MUC5B: variants seen among roughly 807,000 people sequenced by gnomAD.
The protein encoded by MUC5B is mucin-5B.
Under a neutral mutation model 376.9 loss-of-function variants are expected in MUC5B, and 116 were observed. The observed-to-expected ratio is 0.31, with a 90% CI of 0.26 to 0.36. The LOEUF (loss-of-function observed/expected upper bound fraction) is 0.36. Among genes scored for constraint, MUC5B ranks in the 10% least tolerant of loss-of-function variants. The pLI, the probability that MUC5B is intolerant of heterozygous loss-of-function variation, is 1.00. For missense variants in MUC5B, 7,165 were observed against 7,769.9 expected, an observed-to-expected ratio of 0.92 and a Z score of 2.93; for synonymous variants, 3,517 against 3,390.9, an observed-to-expected ratio of 1.04 and a Z score of -1.29.
rs777035846 is a variant in MUC5B, at chr11:1,245,300, C to T, written c.8420C>T (p.Pro2807Leu). Residue 2807 changes from proline to leucine, a missense_variant, in exon 31 of 49, where the codon CCA becomes CTA. Around this residue, in one of 31 missense-constraint regions of MUC5B, gnomAD observed 50 missense variants for 66.4 expected, o/e 0.75. Transcript: ENST00000529681. ...ATTGTTQHST[P>L]ALSSPHPSSR... ...ACCGGTACCACCCAGCACTCGACTCCAGCCCTGTCCAGCCCTCACCCTAGC... is the reference window on the plus strand; with the variant it reads ...ACCGGTACCACCCAGCACTCGACTCTAGCCCTGTCCAGCCCTCACCCTAGC... The T allele has an allele frequency of 7.5e-6, 12 of 1,596,682 alleles. No homozygotes were observed. In the East Asian group the frequency reaches 1.8e-4, roughly 24 times the overall value.
At position 1,241,788 on chromosome 11, in the gene MUC5B, C is replaced by G; in HGVS notation, c.4908C>G (p.Ser1636Arg). 1 of 1,612,376 alleles carries G rather than the reference C, an allele frequency of 6.2e-7. No homozygotes were observed. The highest frequency in any genetic ancestry group is 8.5e-7 in the Non-Finnish European group (1 of 1,179,260). The change falls in exon 31 of 49, where the codon AGC becomes AGG. Residue 1636 changes from serine (S) to arginine (R), a missense_variant. By Grantham distance (110) the Ser-to-Arg change is moderately radical. Coordinates refer to ENST00000529681, the MANE Select transcript of MUC5B (RefSeq NM_002458.3). ...ALFSTPQPTS[S>R]PGLTRAPPAS... Reference sequence around the variant, plus strand: ...TCTCAACGCCGCAGCCTACGAGTAGCCCGGGGCTGACCAGGGCTCCCCCGG... The same window carrying G: ...TCTCAACGCCGCAGCCTACGAGTAGGCCGGGGCTGACCAGGGCTCCCCCGG...
chr11:1,230,465 T>C, intron 11 of MUC5B, 25 bp from the exon 12 acceptor site: 1 of 1,564,642 alleles, frequency 6.4e-7, no homozygotes, highest in Non-Finnish European at 8.7e-7. Context: ...CCAGGCCCAA[T>C]GCACGCGTGG....
chr11:1,246,047 G>A lies in MUC5B; in HGVS notation c.9167G>A (p.Ser3056Asn), dbSNP rs748367111. The change falls in exon 31 of 49, where the codon AGC (serine) becomes AAC (asparagine). Residue 3056 changes from serine (S) to asparagine (N), a missense_variant. Physicochemically the swap from Ser to Asn is conservative, Grantham distance 46 (BLOSUM62 1). Transcript: ENST00000529681. The stretch of plus-strand genomic sequence containing the variant: ...GCAACCACCCTTCCAGTGCTGACAA[G>A]CACAGCCACCAAATCCACAGCTACC... ...RTATTLPVLTSTATKSTATSF... is the reference protein window; with the variant it reads ...RTATTLPVLTNTATKSTATSF... 5.6e-6 allele frequency: 9 copies of A among 1,612,490 alleles called. No individual in the cohort carries two copies. Among genetic ancestry groups the A allele is most frequent in the Non-Finnish European group, 6.8e-6 (8 of 1,179,434 alleles).
At position 1,254,787 on chromosome 11, in the gene MUC5B, C is replaced by G; in HGVS notation, c.15571C>G (p.Pro5191Ala). The part of the protein sequence containing the change: ...LGTTTMRVDI[P>A]ALGVSVTFNG... The stretch of plus-strand genomic sequence containing the variant: ...GACCACCACCATGCGTGTGGACATT[C>G]CTGCCCTGGGCGTGAGCGTCACCTT... The change falls in exon 35 of 49, where the codon CCT (proline) becomes GCT (alanine). Residue 5191 changes from proline (P) to alanine (A), a missense_variant. Physicochemically the swap from Pro to Ala is conservative, Grantham distance 27. Coordinates refer to ENST00000529681, the MANE Select transcript of MUC5B (RefSeq NM_002458.3). The G allele has an allele frequency of 6.2e-7, 1 of 1,612,872 alleles. No individual in the cohort carries two copies. The highest frequency in any genetic ancestry group is 8.5e-7 in the Non-Finnish European group (1 of 1,179,824).
intron 38 of MUC5B, 89 bp downstream of exon 38, chr11:1,256,314 C>T: frequency 1.5e-6 from 1 of 685,496 alleles, no homozygotes; most frequent in Non-Finnish European, 2.7e-6. Flanking sequence ...GGGTGTCCCA[C>T]TGTGGGCCAC....
rs4963056 is a variant in MUC5B, at chr11:1,248,397, C to T, written c.11517C>T (p.Thr3839=). ...ETAHTSTVLT[T]TATTTRATGS... ...CCCACACCTCCACAGTGCTTACCAC[C>T]ACGGCCACCACAACCAGGGCCACCG... Residue 3839 remains threonine, a synonymous_variant, in exon 31 of 49, where the codon ACC becomes ACT. Coordinates refer to ENST00000529681, the MANE Select transcript of MUC5B (RefSeq NM_002458.3). 0.31 allele frequency: 502,179 copies of T among 1,610,678 alleles called. 82,438 individuals are homozygous for T. The highest frequency in any genetic ancestry group is 0.6 in the East Asian group (26,786 of 44,702).
At chr11:1,230,707 C>T (rs2672808) in intron 12 of MUC5B, 107 bp downstream of exon 12, 2 of 1,075,070 alleles carry the variant, frequency 1.9e-6, no homozygotes, top group Admixed American at 2.2e-5. Flanking sequence ...CAGGTCCCCC[C>T]TCCAGCCCCC....
At chr11:1,227,907 G>T in intron 7 of MUC5B, 126 bp downstream of exon 7, 1 of 612,036 alleles carries the variant, frequency 1.6e-6, no homozygotes, top group South Asian at 1.9e-5. Context: ...AGGCCGGGCA[G>T]CCACCCTCTG....
chr11:1,240,932 C>G lies in MUC5B; in HGVS notation c.4052C>G (p.Pro1351Arg). 1 of 1,613,164 alleles carries G rather than the reference C, an allele frequency of 6.2e-7. No homozygotes were observed. Among genetic ancestry groups the G allele is most frequent in the Non-Finnish European group, 8.5e-7 (1 of 1,179,846 alleles). Residue 1351 changes from proline (P) to arginine (R), a missense_variant, in exon 31 of 49, where the codon CCC becomes CGC. Pro to Arg is a moderately radical substitution (Grantham distance 103). Transcript: ENST00000529681. Reference sequence around the variant, plus strand: ...TGGTACAATGGGCACCGCCCAGAGCCCGGCCTGGGAGGCGGAGACTTTGAG... The same window carrying G: ...TGGTACAATGGGCACCGCCCAGAGCGCGGCCTGGGAGGCGGAGACTTTGAG... ...SSWYNGHRPE[P>R]GLGGGDFETF...
chr11:1,231,586 G>A, intron 14 of MUC5B, 26 bp downstream of exon 14: 1 of 1,550,788 alleles, frequency 6.4e-7, no homozygotes, highest in Non-Finnish European at 8.7e-7. Flanking sequence ...GGCCTTCGGG[G>A]ACAGGGCCAT....
At chr11:1,233,766 C>A (rs780533557) in intron 18 of MUC5B, 27 bp from the exon 19 acceptor site, 1 of 1,592,096 alleles carries the variant, frequency 6.3e-7, no homozygotes, top group South Asian at 1.1e-5. Flanking sequence ...GGCCGCAGAT[C>A]CAGGCTGTGC....
At position 1,235,418 on chromosome 11, in the gene MUC5B, G is replaced by A. The variant is rs1431303757; in HGVS notation, c.2880+5G>A. ...GCCATCAAGCTCTTCGTGGAGGTGAGAACGGCCCCAGCTGTGAGCACCCCC... is the reference window on the plus strand; with the variant it reads ...GCCATCAAGCTCTTCGTGGAGGTGAAAACGGCCCCAGCTGTGAGCACCCCC... On this transcript the variant is annotated splice_donor_5th_base_variant and intron_variant, in intron 23 of 48. Coordinates refer to ENST00000529681, the MANE Select transcript of MUC5B (RefSeq NM_002458.3). The A allele has an allele frequency of 6.2e-6, 10 of 1,609,684 alleles. No individual in the cohort carries two copies. Among genetic ancestry groups the A allele is most frequent in the Non-Finnish European group, 8.5e-6 (10 of 1,178,518 alleles).
chr11:1,242,520 C>T lies in MUC5B; in HGVS notation c.5640C>T (p.Asp1880=), dbSNP rs370168568. ...ACAACGTGCGTGTGCTTTGCTGTGA[C>T]GACTACAGCCACTGCCCCAGTACCC... is the stretch of plus-strand genomic sequence containing the variant. ...FNYNVRVLCC[D]DYSHCPSTPA... Residue 1880 remains aspartate, a synonymous_variant, in exon 31 of 49, where the codon GAC becomes GAT. Transcript: ENST00000529681. 8.9e-5 allele frequency: 144 copies of T among 1,613,618 alleles called. No homozygotes were observed. The highest frequency in any genetic ancestry group is 1.6e-4 in the Middle Eastern group (1 of 6,082).
At position 1,258,869 on chromosome 11, in the gene MUC5B, T is replaced by C. The variant is rs56184523; in HGVS notation, c.16594-73T>C. 2.8e-4 allele frequency: 426 copies of C among 1,536,518 alleles called. 1 individual carries two copies. Among genetic ancestry groups the C allele is most frequent in the East Asian group, 2.5e-3 (103 of 40,726 alleles). Reference sequence around the variant, plus strand: ...AAGGAACAACTCCCTGCAGGCCCCATTGGGTCATGGGGAGGGGTCCTGGCC... The same window carrying C: ...AAGGAACAACTCCCTGCAGGCCCCACTGGGTCATGGGGAGGGGTCCTGGCC... On this transcript the variant is annotated intron_variant, in intron 43 of 48. Coordinates refer to ENST00000529681, the MANE Select transcript of MUC5B (RefSeq NM_002458.3). The surrounding 1 kb of genome is among the most constrained non-coding windows in gnomAD (Gnocchi z 5.5).
Position 1,259,854 on chromosome 11 carries a change from G to A in MUC5B, c.16800+12G>A, listed in dbSNP as rs1462917516. 1.2e-6 allele frequency: 2 copies of A among 1,612,424 alleles called. No homozygotes were observed. The highest frequency in any genetic ancestry group is 8.5e-7 in the Non-Finnish European group (1 of 1,179,622). Reference sequence around the variant, plus strand: ...GCCAGCCAGTCCAGGTAACAGCAGAGGCATGTGGGGGCAGGTCTCAGCTCC... The same window carrying A: ...GCCAGCCAGTCCAGGTAACAGCAGAAGCATGTGGGGGCAGGTCTCAGCTCC... On this transcript the variant is annotated intron_variant, in intron 45 of 48. Transcript: ENST00000529681.
rs1861953531 is a variant in MUC5B at position 1,228,834 on chromosome 11, C to G, written c.976+69C>G. 3.2e-6 allele frequency: 4 copies of G among 1,232,160 alleles called. No homozygotes were observed. The African/African-American group carries it at 6.4e-5, about 20-fold the overall frequency. 76.3% of individuals were successfully genotyped at this position (1,232,160 alleles called of 1,614,324 possible). ...AGGGGCAGGGGGAGCGCCTTGGGGGCCACTGGGGGTGGGGAGGCCTGGGGG... is the reference window on the plus strand; with the variant it reads ...AGGGGCAGGGGGAGCGCCTTGGGGGGCACTGGGGGTGGGGAGGCCTGGGGG... On this transcript the variant is annotated intron_variant, in intron 8 of 48. Transcript: ENST00000529681.
At position 1,246,074 on chromosome 11, in the gene MUC5B, G is replaced by C; in HGVS notation, c.9194G>C (p.Ser3065Thr). The C allele has an allele frequency of 1.2e-6, 2 of 1,612,958 alleles. No individual in the cohort carries two copies. The highest frequency in any genetic ancestry group is 1.7e-6 in the Non-Finnish European group (2 of 1,179,644). The part of the protein sequence containing the change: ...TSTATKSTAT[S>T]FTPIPSFTLG... Reference sequence around the variant, plus strand: ...ACAGCCACCAAATCCACAGCTACCAGCTTTACACCCATCCCCTCCTTCACC... The same window carrying C: ...ACAGCCACCAAATCCACAGCTACCACCTTTACACCCATCCCCTCCTTCACC... The change falls in exon 31 of 49, where the codon AGC becomes ACC. Residue 3065 changes from serine to threonine, a missense_variant. Transcript: ENST00000529681.
rs1043794542 is a variant in MUC5B, at chr11:1,242,159, C to T, written c.5279C>T (p.Thr1760Ile). ...TSELSTSQAE[T>I]STPRTETTMS... ...GAGCTGTCCACCTCTCAGGCCGAGA[C>T]CAGCACGCCCAGGACAGAGACGACA... The change falls in exon 31 of 49, where the codon ACC becomes ATC. Residue 1760 changes from threonine to isoleucine, a missense_variant. Thr to Ile is a moderately conservative substitution (Grantham distance 89). This residue lies in a region of MUC5B where 897 missense variants were observed against 779.6 expected (regional missense o/e 1.15). Coordinates refer to ENST00000529681, the MANE Select transcript of MUC5B (RefSeq NM_002458.3). 3 of 1,613,400 alleles carry T rather than the reference C, an allele frequency of 1.9e-6. No individual in the cohort carries two copies. The highest frequency in any genetic ancestry group is 3.3e-5 in the Admixed American group (2 of 60,000).
rs1862814598 is a variant in MUC5B, at chr11:1,255,433, C to T, written c.15941C>T (p.Ala5314Val). The T allele has an allele frequency of 1.2e-6, 2 of 1,605,250 alleles. No individual in the cohort carries two copies. Among genetic ancestry groups the T allele is most frequent in the Non-Finnish European group, 8.5e-7 (1 of 1,176,458 alleles). ...GTGCCCCCGGGCCCATTCTTCAACG[C>T]CTGCATCAGCGACCACTGCAGGGGC... Reference protein sequence around the residue: ...NLVPPGPFFNACISDHCRGRL... With the variant: ...NLVPPGPFFNVCISDHCRGRL... The change falls in exon 37 of 49, where the codon GCC (alanine) becomes GTC (valine). Residue 5314 changes from alanine to valine, a missense_variant. Physicochemically the swap from Ala to Val is moderately conservative, Grantham distance 64. This residue lies in a region of MUC5B where 842 missense variants were observed against 1,016.9 expected (regional missense o/e 0.83). Transcript: ENST00000529681.
Sources: allele counts gnomAD v4.1 joint callset, GRCh38; gene constraint gnomAD v4.1.1; regional missense constraint gnomAD v4.1.1; non-coding constraint Gnocchi (gnomAD v3.1); transcripts MANE v1.5; gene names NCBI Gene and HGNC (gene_info 2026-07-23, HGNC 2026-07-21).